Variants in SCAMP2 observed in about 807,000 individuals in gnomAD.
SCAMP2 encodes secretory carrier membrane protein 2.
Under a neutral mutation model 44.1 loss-of-function variants are expected in SCAMP2, and 25 were observed. That is an observed-to-expected ratio of 0.57 (90% CI 0.41 to 0.79). The LOEUF (loss-of-function observed/expected upper bound fraction) is 0.79, where lower values mean the gene tolerates loss of function less well. SCAMP2 is among the 30% of genes least tolerant of loss of function. SCAMP2 has a pLI of 0.00. For missense variants in SCAMP2, 355 were observed against 411.0 expected (o/e 0.86, Z 1.18); for synonymous variants, 156 against 166.0 (o/e 0.94, Z 0.46).
chr15:74,858,655 G>A (rs1018751905), intron 1 of SCAMP2, among the ~76,000 whole-genome samples: 2 of 151,938 alleles, frequency 1.3e-5, no homozygotes, highest in Non-Finnish European at 2.9e-5. Context: ...AAGCTGAGTG[G>A]GGCAAAGCAT....
chr15:74,851,529 G>A lies in SCAMP2; in HGVS notation c.344-48C>T, dbSNP rs1294349168. 5.6e-6 allele frequency: 9 copies of A among 1,606,440 alleles called. No homozygotes were observed. The African/African-American group carries it at 1.1e-4, about 19-fold the overall frequency. The stretch of plus-strand genomic sequence containing the variant: ...CGAGGTAAGGGCCCAGCCTCAGAAG[G>A]GGCATCAAGGTGCATGCACGCCAGC... On this transcript the variant is annotated intron_variant, in intron 4 of 8. Coordinates refer to ENST00000268099, the MANE Select transcript of SCAMP2 (RefSeq NM_005697.5).
intron 7 of SCAMP2, among the ~76,000 whole-genome samples, chr15:74,845,938 G>A (rs139099867): frequency 1.4e-3 from 217 of 151,448 alleles, no homozygotes; most frequent in African/African-American, 2.2e-3. Flanking sequence ...CAGGAGGATC[G>A]CTTGAGCCCA....
At chr15:74,862,099 A>G (rs1284769546) in intron 1 of SCAMP2, among the ~76,000 whole-genome samples, 4 of 147,404 alleles carry the variant, frequency 2.7e-5, no homozygotes, top group Non-Finnish European at 4.5e-5. Context: ...ACCAAAAAAA[A>G]AAAAAATACA....
chr15:74,845,987 G>A (rs1024862795), intron 7 of SCAMP2, among the ~76,000 whole-genome samples: 3 of 151,900 alleles, frequency 2.0e-5, no homozygotes, highest in African/African-American at 7.3e-5. Flanking sequence ...GGGAGGCCCT[G>A]TCTCCATAAA....
chr15:74,855,715 TC>T (rs1243888314), intron 1 of SCAMP2, among the ~76,000 whole-genome samples: 13 of 40,302 alleles, frequency 3.2e-4, no homozygotes, highest in African/African-American at 1.0e-3. Context: ...AAACTCCATC[TC>T]AAAAAAAAAA....
At chr15:74,872,915 C>T (rs1489226270) in intron 1 of SCAMP2, 5 of 394,738 alleles carry the variant, frequency 1.3e-5, no homozygotes, top group African/African-American at 2.1e-5. Context: ...CGGAAGGGTC[C>T]GACCGTACCT....
intron 1 of SCAMP2, among the ~76,000 whole-genome samples, chr15:74,859,990 C>T (rs923805213): frequency 6.6e-6 from 1 of 152,192 alleles, no homozygotes; most frequent in African/African-American, 2.4e-5. Flanking sequence ...GCCAGCCGGG[C>T]ACGGTGGCTC....
At chr15:74,851,238 A>G in intron 5 of SCAMP2, 115 bp downstream of exon 5, 1 of 1,231,170 alleles carries the variant, frequency 8.1e-7, no homozygotes, top group Non-Finnish European at 1.1e-6. Context: ...GGCACTGAGG[A>G]AGGCTGGAGT....
intron 4 of SCAMP2, 69 bp downstream of exon 4, chr15:74,852,000 T>A (rs937357612): frequency 3.1e-5 from 34 of 1,098,184 alleles, no homozygotes; most frequent in Non-Finnish European, 4.3e-5. Context: ...TGGGAGGCCC[T>A]CCGCACAGGT....
At chr15:74,853,731 G>C (rs1269788305) in intron 3 of SCAMP2, 2 of 502,256 alleles carry the variant, frequency 4.0e-6, no homozygotes, top group African/African-American at 3.9e-5. Flanking sequence ...GGAGGACCTG[G>C]AGGGGTACAA....
intron 1 of SCAMP2, chr15:74,872,843 C>A: frequency 8.5e-6 from 2 of 236,116 alleles, no homozygotes; most frequent in Admixed American, 5.7e-5. Context: ...AGACAGGTGT[C>A]TATCCAAGAA....
At chr15:74,861,893 T>C (rs1395802578) in intron 1 of SCAMP2, among the ~76,000 whole-genome samples, 2 of 123,952 alleles carry the variant, frequency 1.6e-5, no homozygotes, top group South Asian at 2.5e-4. Context: ...AGAGCAAGAC[T>C]CTGTCTCAAA....
intron 1 of SCAMP2, among the ~76,000 whole-genome samples, chr15:74,855,212 T>C (rs572179138): frequency 6.6e-6 from 1 of 152,198 alleles, no homozygotes; most frequent in South Asian, 2.1e-4. Context: ...GAAGCGATTC[T>C]CCTGCCTCAG....
At chr15:74,864,516 G>C (rs541371685) in intron 1 of SCAMP2, among the ~76,000 whole-genome samples, 5 of 152,276 alleles carry the variant, frequency 3.3e-5, no homozygotes, top group East Asian at 1.9e-4. Context: ...TACAGGCAAC[G>C]GGGAACAACT....
rs1555472814 is a variant in SCAMP2, at chr15:74,844,205, G to GGA, written c.*877_*878insTC. 2.3e-4 allele frequency: 33 copies of GGA among 143,434 alleles called. No individual in the cohort carries two copies. The highest frequency in any genetic ancestry group is 8.0e-4 in the African/African-American group (31 of 38,682). The allele number at this position is 143,434 out of a possible 1,614,324, so 8.9% of individuals were successfully genotyped here. On this transcript the variant is annotated 3_prime_UTR_variant, in exon 9 of 9. Transcript: ENST00000268099. Reference sequence around the variant, plus strand: ...GGCAGCCGTCCCTCGGTTCGGGGAGGGGGGGGGGTAGTCACAGCAAACAGG... The same window carrying GGA: ...GGCAGCCGTCCCTCGGTTCGGGGAGGGAGGGGGGGGTAGTCACAGCAAACAGG...
At position 74,845,236 on chromosome 15, in the gene SCAMP2, G is replaced by A. The variant is rs770602744; in HGVS notation, c.856-19C>T. ...AGTGCACCTGGCGAAGAGGGGTGGG[G>A]TGAGAGAAGCCTGTCCTTTGGGCCC... On this transcript the variant is annotated intron_variant, in intron 8 of 8. Transcript: ENST00000268099. 3.3e-5 allele frequency: 53 copies of A among 1,609,632 alleles called. No individual in the cohort carries two copies. Among genetic ancestry groups the A allele is most frequent in the Non-Finnish European group, 4.2e-5 (49 of 1,179,438 alleles).
intron 1 of SCAMP2, among the ~76,000 whole-genome samples, chr15:74,861,574 T>C (rs935488531): frequency 1.3e-5 from 2 of 152,158 alleles, no homozygotes; most frequent in African/African-American, 2.4e-5. Flanking sequence ...CCACTAAGCA[T>C]CACAGCTATG....
At chr15:74,851,011 AG>A (rs1201657976) in intron 5 of SCAMP2, among the ~76,000 whole-genome samples, 1 of 152,154 alleles carries the variant, frequency 6.6e-6, no homozygotes, top group African/African-American at 2.4e-5. Context: ...ATGGAGCTGC[AG>A]GGGGAGTCTC....
intron 1 of SCAMP2, among the ~76,000 whole-genome samples, chr15:74,863,626 C>T (rs1204156581): frequency 6.6e-6 from 1 of 152,114 alleles, no homozygotes; most frequent in Non-Finnish European, 1.5e-5. Flanking sequence ...GCCGGGCATT[C>T]AAGGCCTTCC....
Sources: gnomAD v4.1 joint callset for allele counts (sites outside exome capture counted in the v4.1 genomes callset) on GRCh38, gnomAD v4.1.1 for gene constraint, MANE v1.5 for transcripts, NCBI Gene and HGNC (gene_info 2026-07-23, HGNC 2026-07-21) for gene names.